TENM2: variants seen among roughly 807,000 people sequenced by gnomAD.
TENM2 encodes teneurin-2.
Under a neutral mutation model 245.2 loss-of-function variants are expected in TENM2, and 52 were observed. That is an observed-to-expected ratio of 0.21 (90% CI 0.17 to 0.27). TENM2 has a LOEUF of 0.27. TENM2 is among the 10% of genes least tolerant of loss of function. TENM2 has a pLI of 1.00. For synonymous variants in TENM2, 1,363 were observed against 1,438.9 expected (o/e 0.95, Z 1.19); for missense variants, 3,046 against 3,666.8 (o/e 0.83, Z 4.37).
At chr5:167,972,817 A>G (rs1218824625) in intron 4 of TENM2, among the ~76,000 whole-genome samples, 3 of 152,214 alleles carry the variant, frequency 2.0e-5, no homozygotes, top group Non-Finnish European at 4.4e-5. Flanking sequence ...TAAATAATAC[A>G]TAAATACCCT....
Position 168,215,131 on chromosome 5 carries a change from G to C in TENM2, c.3937G>C (p.Val1313Leu), listed in dbSNP as rs754165661. ...CACCAACAGCAGGAGAATCTACCGC[G>C]TCAAGTCTCTGAGTGGAACCAAAGA... Residue 1313 changes from valine (V) to leucine (L), a missense_variant, in exon 21 of 29, where the codon GTC (valine) becomes CTC (leucine). Val to Leu is a conservative substitution (Grantham distance 32). Coordinates refer to ENST00000518659, the Ensembl canonical transcript of TENM2. 3.1e-6 allele frequency: 5 copies of C among 1,613,754 alleles called. No individual in the cohort carries two copies. In the African/African-American group the frequency reaches 6.7e-5, roughly 22 times the overall value.
intron 2 of TENM2, among the ~76,000 whole-genome samples, chr5:167,728,494 C>G (rs1327278319): frequency 8.5e-6 from 1 of 117,892 alleles, no homozygotes; most frequent in African/African-American, 4.1e-5. Flanking sequence ...CCTATGGTCC[C>G]AACTACTCAG....
intron 2 of TENM2, among the ~76,000 whole-genome samples, chr5:167,647,621 T>TC (rs1029857024): frequency 6.6e-6 from 1 of 151,454 alleles, no homozygotes; most frequent in Non-Finnish European, 1.5e-5. Flanking sequence ...AGACTTAGTC[T>TC]CAAAAAAAAA....
chr5:167,538,466 C>A (rs1771991797), intron 2 of TENM2, among the ~76,000 whole-genome samples: 1 of 152,184 alleles, frequency 6.6e-6, no homozygotes, highest in Non-Finnish European at 1.5e-5. Context: ...TGACTCATTT[C>A]TCTGTTGCTG....
chr5:168,170,493 C>T (rs550235765), intron 13 of TENM2, among the ~76,000 whole-genome samples: 3 of 149,334 alleles, frequency 2.0e-5, no homozygotes, highest in South Asian at 2.1e-4. Flanking sequence ...GGTGACAGAG[C>T]GAGACTCCAT....
At position 167,604,984 on chromosome 5, in the gene TENM2, C is replaced by A. The variant is rs146120401; in HGVS notation, c.502+229511C>A. 4.8e-3 allele frequency among the ~76,000 whole-genome samples: 733 copies of A among 152,222 alleles called. 3 individuals carry two copies. The highest frequency in any genetic ancestry group is 0.017 in the African/African-American group (700 of 41,540). ...ATAGGAAGATGATATGCTAGGCAAA[C>A]GGACATGGTTTGATCAAAGACTTGG... is the stretch of plus-strand genomic sequence containing the variant. On this transcript the variant is annotated intron_variant, in intron 2 of 28. Transcript: ENST00000518659.
chr5:167,792,177 G>A (rs1765023276), intron 2 of TENM2, among the ~76,000 whole-genome samples: 1 of 152,078 alleles, frequency 6.6e-6, no homozygotes, highest in Non-Finnish European at 1.5e-5. Flanking sequence ...AAATAAATCT[G>A]CAAACCATGC....
intron 2 of TENM2, among the ~76,000 whole-genome samples, chr5:167,769,657 C>G (rs1390223098): frequency 3.3e-5 from 5 of 152,148 alleles, no homozygotes; most frequent in Non-Finnish European, 5.9e-5. Context: ...GCTCCTTCAA[C>G]TTCCCATTTT....
chr5:167,953,464 T>C (rs1244334969), intron 4 of TENM2: 3 of 153,114 alleles, frequency 2.0e-5, no homozygotes, highest in Non-Finnish European at 2.9e-5. Flanking sequence ...TCTGTCCTTT[T>C]TTCACCTTCG....
chr5:167,583,975 A>C (rs1368097874), intron 2 of TENM2, among the ~76,000 whole-genome samples: 1 of 151,848 alleles, frequency 6.6e-6, no homozygotes, highest in East Asian at 1.9e-4. Flanking sequence ...TTTCTCGACT[A>C]CTCCTCCTTA....
the TENM2 span, among the ~76,000 whole-genome samples, chr5:167,097,795 T>C: frequency 6.6e-6 from 1 of 152,234 alleles, no homozygotes; most frequent in Non-Finnish European, 1.5e-5. Flanking sequence ...TATGTGTTTT[T>C]ATTTTTCATG....
At chr5:167,815,416 A>C (rs907182545) in intron 2 of TENM2, among the ~76,000 whole-genome samples, 1 of 152,168 alleles carries the variant, frequency 6.6e-6, no homozygotes, top group Non-Finnish European at 1.5e-5. Context: ...AGCTAAGTGA[A>C]CCAAGCACCA....
intron 12 of TENM2, among the ~76,000 whole-genome samples, chr5:168,144,310 C>T (rs1210864525): frequency 6.6e-6 from 1 of 152,050 alleles, no homozygotes; most frequent in East Asian, 1.9e-4. Context: ...AGGTATCTCT[C>T]CCGATGCTAT....
At chr5:168,004,517 G>GCA (rs550787443) in intron 5 of TENM2, among the ~76,000 whole-genome samples, 20,479 of 131,952 alleles carry the variant, frequency 0.16, 1,502 homozygotes, top group Admixed American at 0.21. Context: ...GCGCGCGCGC[G>GCA]CACACACACA....
intron 3 of TENM2, among the ~76,000 whole-genome samples, chr5:167,877,166 G>A (rs1773492784): frequency 6.6e-6 from 1 of 152,148 alleles, no homozygotes; most frequent in South Asian, 2.1e-4. Context: ...CCCATCCAAA[G>A]CAATACAGAG....
At chr5:168,127,459 C>T (rs546186055) in intron 12 of TENM2, among the ~76,000 whole-genome samples, 18 of 152,328 alleles carry the variant, frequency 1.2e-4, no homozygotes, top group African/African-American at 1.7e-4. Flanking sequence ...TCACCACCAC[C>T]GTCATTACAT....
At chr5:168,096,102 C>A (rs546987466) in intron 8 of TENM2, among the ~76,000 whole-genome samples, 2 of 152,294 alleles carry the variant, frequency 1.3e-5, no homozygotes, top group African/African-American at 4.8e-5. Context: ...AATAAGTAAA[C>A]CTGCCCTTTA....
rs544583962 is a variant in TENM2, at chr5:167,665,454, A to C, written c.503-210532A>C. On this transcript the variant is annotated intron_variant, in intron 2 of 28. Coordinates refer to ENST00000518659, the Ensembl canonical transcript of TENM2. ...GATATAAGAGACCAAAAAAAAAATG[A>C]ATTATTATACTGTGAAAGAATTTTA... 1.4e-4 allele frequency among the ~76,000 whole-genome samples: 22 copies of C among 152,160 alleles called. No individual in the cohort carries two copies. The South Asian group carries it at 4.6e-3, about 32-fold the overall frequency.
chr5:167,872,461 CGAAA>C (rs763636004), intron 2 of TENM2, among the ~76,000 whole-genome samples: 4,728 of 93,500 alleles, frequency 0.051, 73 homozygotes, highest in East Asian at 0.14. Context: ...AAAGAAAGCA[CGAAA>C]GAAAGAAAGA....
Sources: gnomAD v4.1 joint callset for allele counts (sites outside exome capture counted in the v4.1 genomes callset) on GRCh38, gnomAD v4.1.1 for gene constraint, MANE v1.5 for transcripts, NCBI Gene and HGNC (gene_info 2026-07-23, HGNC 2026-07-21) for gene names.